AP2A2: variants seen among roughly 807,000 people sequenced by gnomAD.
AP2A2 encodes the protein adaptor related protein complex 2 subunit alpha 2, also known as AP-2 complex subunit alpha-2.
In AP2A2, 32 loss-of-function variants were observed where a neutral mutation model predicts 104.2. That is an observed-to-expected ratio of 0.31 (90% CI 0.23 to 0.41). The LOEUF is 0.41. AP2A2 is among the 10% of genes least tolerant of loss of function. The pLI is 1.00. For missense variants in AP2A2, 912 were observed against 1,261.0 expected (o/e 0.72, Z 4.19); for synonymous variants, 539 against 533.3 (o/e 1.01, Z -0.15).
At chr11:960,404 C>T (rs963789325) in intron 2 of AP2A2, among the ~76,000 whole-genome samples, 8 of 151,216 alleles carry the variant, frequency 5.3e-5, no homozygotes, top group African/African-American at 1.5e-4. Context: ...CACCACATGC[C>T]TGTAATTTTA....
At chr11:988,061 C>T (rs1372287651) in intron 9 of AP2A2, among the ~76,000 whole-genome samples, 1 of 152,260 alleles carries the variant, frequency 6.6e-6, no homozygotes, top group Non-Finnish European at 1.5e-5. Flanking sequence ...TGGTGGTGCC[C>T]ACTCTCCTGC....
In AP2A2 at chr11:993,526, T is replaced by C; in HGVS notation, c.1550+145T>C. 1.4e-6 allele frequency: 1 copy of C among 690,472 alleles called. No homozygotes were observed. The highest frequency in any genetic ancestry group is 2.3e-6 in the Non-Finnish European group (1 of 427,018). The allele number at this position is 690,472 out of a possible 1,614,324, so 42.8% of individuals were successfully genotyped here. A position where few individuals can be genotyped will look rare whatever the true frequency, so the allele number is the denominator to read the frequency against. ...CCCATCGGCGTCTTTTTGTTTTCCT[T>C]CAGTTGATAGAAAAAGCAGGGATTC... On this transcript the variant is annotated intron_variant, in intron 12 of 21. Coordinates refer to ENST00000448903, the MANE Select transcript of AP2A2 (RefSeq NM_012305.4). The surrounding 1 kb of genome is among the most constrained non-coding windows in gnomAD (Gnocchi z 8.2).
intron 17 of AP2A2, chr11:1,007,631 C>T (rs761446408): frequency 5.7e-4 from 168 of 293,796 alleles, no homozygotes; most frequent in Non-Finnish European, 8.7e-4. Flanking sequence ...TTCTGTGTCT[C>T]GCTGTTTCAG....
At chr11:938,721 G>A (rs148715372) in intron 1 of AP2A2, among the ~76,000 whole-genome samples, 5 of 152,056 alleles carry the variant, frequency 3.3e-5, no homozygotes, top group African/African-American at 1.2e-4. Flanking sequence ...TCATCTGCCC[G>A]CCTTGGCCTC....
intron 1 of AP2A2, among the ~76,000 whole-genome samples, chr11:928,253 G>A (rs1853180974): frequency 6.6e-6 from 1 of 152,162 alleles, no homozygotes; most frequent in East Asian, 1.9e-4. Flanking sequence ...TATTTAAAGA[G>A]ACCACATTCA....
intron 14 of AP2A2, 35 bp downstream of exon 14, chr11:994,280 C>T (rs1855766472): frequency 6.2e-7 from 1 of 1,606,656 alleles, no homozygotes; most frequent in Non-Finnish European, 8.5e-7. Context: ...CCAGACCTGT[C>T]AGGGCCTCAC....
intron 1 of AP2A2, chr11:940,836 A>C (rs1589948348): frequency 4.4e-6 from 2 of 456,222 alleles, no homozygotes; most frequent in Admixed American, 2.3e-5. Flanking sequence ...AGGTCTGAGG[A>C]GGAGCCTGAA....
At chr11:1,008,824 T>C in intron 18 of AP2A2, 1 of 512,146 alleles carries the variant, frequency 2.0e-6, no homozygotes, top group Non-Finnish European at 3.4e-6. Flanking sequence ...TCACACTATT[T>C]GCACAGACTT....
chr11:994,519 G>A (rs902933890), intron 14 of AP2A2, among the ~76,000 whole-genome samples: 27 of 149,036 alleles, frequency 1.8e-4, no homozygotes, highest in African/African-American at 6.0e-4. Flanking sequence ...TGTCCCGGGG[G>A]CCACTGTCCC....
At chr11:927,662 C>G (rs1007069013) in intron 1 of AP2A2, among the ~76,000 whole-genome samples, 1 of 151,532 alleles carries the variant, frequency 6.6e-6, no homozygotes, top group Non-Finnish European at 1.5e-5. Flanking sequence ...CAAAAAAATA[C>G]GAAAATTAGC....
rs1854684000 is a variant in AP2A2 at position 968,100 on chromosome 11, C to T, written c.137-2069C>T. Among the ~76,000 whole-genome samples, 1 of 152,094 alleles carries T rather than the reference C, an allele frequency of 6.6e-6. No individual in the cohort carries two copies. The highest frequency in any genetic ancestry group is 2.4e-5 in the African/African-American group (1 of 41,412). On this transcript the variant is annotated intron_variant, in intron 2 of 21. Transcript: ENST00000448903. The surrounding 1 kb of genome is among the most constrained non-coding windows in gnomAD (Gnocchi z 4.2). ...TGGAGCGAGCATTGCTGCTTGTTTCCTGTGGCCCTGGGTTAGGCCAGGAAT... is the reference window on the plus strand; with the variant it reads ...TGGAGCGAGCATTGCTGCTTGTTTCTTGTGGCCCTGGGTTAGGCCAGGAAT...
chr11:950,648 C>T (rs1025671395), intron 1 of AP2A2, among the ~76,000 whole-genome samples: 2 of 152,048 alleles, frequency 1.3e-5, no homozygotes, highest in African/African-American at 4.8e-5. Flanking sequence ...TTAATCTGGA[C>T]TTCATAACGT....
chr11:1,010,499 C>A, intron 21 of AP2A2, 49 bp from the exon 22 acceptor site: 1 of 1,465,112 alleles, frequency 6.8e-7, no homozygotes, highest in Non-Finnish European at 9.3e-7. Context: ...GACCCGAGGG[C>A]TGTGTGAGCC....
At chr11:955,804 C>T (rs1470387102) in intron 1 of AP2A2, among the ~76,000 whole-genome samples, 6 of 152,170 alleles carry the variant, frequency 3.9e-5, no homozygotes, top group Non-Finnish European at 8.8e-5. Context: ...GGAGCTTGTC[C>T]TGTGGGGGAG....
intron 16 of AP2A2, 78 bp from the exon 17 acceptor site, chr11:1,006,450 G>C: frequency 1.0e-6 from 1 of 974,548 alleles, no homozygotes; most frequent in Admixed American, 2.1e-5. Flanking sequence ...GATTGTGGGG[G>C]GCTCTTGTTT....
chr11:980,552 C>T (rs560668582), intron 5 of AP2A2, among the ~76,000 whole-genome samples: 8 of 151,034 alleles, frequency 5.3e-5, no homozygotes, highest in Non-Finnish European at 8.9e-5. Context: ...TGTCCTGGAG[C>T]GGTGACAGGC....
intron 14 of AP2A2, chr11:995,264 A>G (rs1441465202): frequency 4.4e-6 from 2 of 455,164 alleles, no homozygotes; most frequent in Non-Finnish European, 8.8e-6. Flanking sequence ...GAGTTGGGTT[A>G]GGTCTGGTTT....
At chr11:944,383 G>A (rs1853761721) in intron 1 of AP2A2, among the ~76,000 whole-genome samples, 1 of 152,146 alleles carries the variant, frequency 6.6e-6, no homozygotes, top group Non-Finnish European at 1.5e-5. Context: ...ACAATGCCAG[G>A]CACTTCCCAG....
intron 1 of AP2A2, chr11:940,857 G>T (rs774097844): frequency 1.5e-5 from 7 of 456,280 alleles, no homozygotes; most frequent in South Asian, 1.1e-4. Flanking sequence ...TGCTGGTTCA[G>T]TTCTTCCAGA....
Sources: allele counts gnomAD v4.1 joint callset (sites outside exome capture counted in the v4.1 genomes callset), GRCh38; gene constraint gnomAD v4.1.1; non-coding constraint Gnocchi (gnomAD v3.1); transcripts MANE v1.5; gene names NCBI Gene and HGNC (gene_info 2026-07-23, HGNC 2026-07-21).